Variants in XYLT1 observed in about 807,000 individuals in gnomAD.
XYLT1 encodes beta-D-xylosyltransferase 1.
Under a neutral mutation model 91.3 loss-of-function variants are expected in XYLT1, and 36 were observed. That is an observed-to-expected ratio of 0.39 (90% CI 0.30 to 0.52). XYLT1 has a LOEUF of 0.52. Ranked by LOEUF, XYLT1 falls within the 20% of genes least tolerant of loss-of-function variation. XYLT1 has a pLI of 0.68. For missense variants in XYLT1, 1,242 were observed against 1,284.5 expected (o/e 0.97, Z 0.51); for synonymous variants, 588 against 532.0 (o/e 1.11, Z -1.45).
intron 1 of XYLT1, among the ~76,000 whole-genome samples, chr16:17,400,125 C>T (rs945370808): frequency 7.9e-5 from 12 of 152,292 alleles, no homozygotes; most frequent in Admixed American, 3.9e-4. Context: ...TCTCAGTCTT[C>T]GGCCAGGTAG....
chr16:17,217,331 C>T (rs1217787450), intron 3 of XYLT1, among the ~76,000 whole-genome samples: 1 of 152,076 alleles, frequency 6.6e-6, no homozygotes, highest in East Asian at 1.9e-4. Context: ...AAAGATAATA[C>T]TTACTGTAGA....
At chr16:17,357,229 C>CCCCGGACTT (rs1202016139) in intron 2 of XYLT1, among the ~76,000 whole-genome samples, 39 of 147,534 alleles carry the variant, frequency 2.6e-4, no homozygotes, top group African/African-American at 9.6e-4. Flanking sequence ...TTAGCACGTA[C>CCCCGGACTT]CCCGGACTTT....
intron 2 of XYLT1, among the ~76,000 whole-genome samples, chr16:17,351,915 G>A (rs1335155226): frequency 6.6e-6 from 1 of 152,132 alleles, no homozygotes; most frequent in African/African-American, 2.4e-5. Flanking sequence ...AGGCTGAGGC[G>A]GGCGGACTGC....
chr16:17,197,741 C>T (rs547960399), intron 5 of XYLT1, among the ~76,000 whole-genome samples: 2 of 152,128 alleles, frequency 1.3e-5, no homozygotes, highest in Admixed American at 6.5e-5. Context: ...TTTGGGCCTT[C>T]GACCACAGAC....
At chr16:17,408,281 T>C (rs571269946) in intron 1 of XYLT1, among the ~76,000 whole-genome samples, 1 of 152,358 alleles carries the variant, frequency 6.6e-6, no homozygotes, top group East Asian at 1.9e-4. Flanking sequence ...TGACATACGC[T>C]TGGTAAGCAA....
At chr16:17,218,580 T>C (rs1024419270) in intron 3 of XYLT1, among the ~76,000 whole-genome samples, 3 of 152,168 alleles carry the variant, frequency 2.0e-5, no homozygotes, top group African/African-American at 4.8e-5. Flanking sequence ...CTTTCATCCA[T>C]AGGTCCTAAT....
chr16:17,391,531 A>C (rs1316711725), intron 1 of XYLT1, among the ~76,000 whole-genome samples: 5 of 152,222 alleles, frequency 3.3e-5, no homozygotes, highest in Non-Finnish European at 2.9e-5. Context: ...AATCAGCCCT[A>C]TCTGGACAGT....
intron 4 of XYLT1, among the ~76,000 whole-genome samples, chr16:17,199,763 C>T (rs1336639123): frequency 6.6e-6 from 1 of 152,160 alleles, no homozygotes; most frequent in African/African-American, 2.4e-5. Flanking sequence ...TGAGGCTTCC[C>T]CAGCTGCTTA....
chr16:17,394,658 C>A (rs559984355), intron 1 of XYLT1, among the ~76,000 whole-genome samples: 28 of 152,224 alleles, frequency 1.8e-4, no homozygotes, highest in Non-Finnish European at 3.5e-4. Context: ...GGGAAGAGCT[C>A]TGGCCCTGGA....
intron 5 of XYLT1, among the ~76,000 whole-genome samples, chr16:17,171,592 AT>A (rs763640537): frequency 6.6e-6 from 1 of 152,166 alleles, no homozygotes; most frequent in Non-Finnish European, 1.5e-5. Context: ...TTTTAAACGG[AT>A]TTTTTCTTTT....
At chr16:17,214,630 C>G (rs2032822558) in intron 3 of XYLT1, among the ~76,000 whole-genome samples, 1 of 152,158 alleles carries the variant, frequency 6.6e-6, no homozygotes, top group South Asian at 2.1e-4. Context: ...AGGCACCATT[C>G]TGGGAGTGAA....
At chr16:17,328,280 C>G (rs1274263341) in intron 2 of XYLT1, among the ~76,000 whole-genome samples, 1 of 152,056 alleles carries the variant, frequency 6.6e-6, no homozygotes, top group African/African-American at 2.4e-5. Flanking sequence ...GGTGCAGTGG[C>G]TCAAACCTGT....
At chr16:17,423,501 G>C (rs1269443701) in intron 1 of XYLT1, among the ~76,000 whole-genome samples, 2 of 152,180 alleles carry the variant, frequency 1.3e-5, no homozygotes, top group African/African-American at 4.8e-5. Flanking sequence ...TGTCATCCTT[G>C]GGACTGTGCA....
chr16:17,271,641 C>T (rs2033896617), intron 2 of XYLT1, among the ~76,000 whole-genome samples: 1 of 152,190 alleles, frequency 6.6e-6, no homozygotes. Context: ...CTAGCAGCAT[C>T]TGTGAGCTTT....
chr16:17,198,119 G>A, intron 5 of XYLT1, 93 bp downstream of exon 5: 1 of 1,273,268 alleles, frequency 7.9e-7, no homozygotes, highest in Non-Finnish European at 1.1e-6. Context: ...TGGAGACTAT[G>A]CATCAGTCTC....
intron 1 of XYLT1, among the ~76,000 whole-genome samples, chr16:17,428,554 A>T (rs2036347504): frequency 6.6e-6 from 1 of 152,186 alleles, no homozygotes; most frequent in Admixed American, 6.5e-5. Context: ...ATGCATAATT[A>T]TTTACAGTCA....
chr16:17,132,379 A>AGGGGTGGCT (rs1372107852), intron 9 of XYLT1, among the ~76,000 whole-genome samples: 1 of 148,470 alleles, frequency 6.7e-6, no homozygotes, highest in African/African-American at 2.6e-5. Flanking sequence ...TGACTTGAGA[A>AGGGGTGGCT]GGGGTGGCTG....
chr16:17,238,653 C>G (rs1567336530), intron 3 of XYLT1, among the ~76,000 whole-genome samples: 2 of 152,226 alleles, frequency 1.3e-5, no homozygotes, highest in Non-Finnish European at 2.9e-5. Context: ...TGACCAGATC[C>G]CTGCCCTCCT....
chr16:17,237,097 G>A (rs1301873565), intron 3 of XYLT1, among the ~76,000 whole-genome samples: 1 of 152,178 alleles, frequency 6.6e-6, no homozygotes, highest in Non-Finnish European at 1.5e-5. Context: ...ATGTTCAGGT[G>A]AGTCTTGTTT....
Sources: allele counts gnomAD v4.1 joint callset (sites outside exome capture counted in the v4.1 genomes callset), GRCh38; gene constraint gnomAD v4.1.1; transcripts MANE v1.5; gene names NCBI Gene and HGNC (gene_info 2026-07-23, HGNC 2026-07-21).